The following OSBPL10 variants were observed in gnomAD, a reference collection of about 807,000 sequenced individuals.
The protein encoded by OSBPL10 is oxysterol binding protein like 10.
OSBPL10 carries 49 observed loss-of-function variants against 81.7 expected under a neutral mutation model. The ratio of observed to expected loss-of-function variants is 0.60; its 90% CI spans 0.48 to 0.76. The LOEUF is 0.76. Ranked by LOEUF, OSBPL10 falls within the 30% of genes least tolerant of loss-of-function variation. The probability of loss-of-function intolerance (pLI) is 0.00; values close to 1 mark genes in which losing one functional copy is unlikely to be tolerated. For missense variants in OSBPL10, 923 were observed against 987.8 expected, an observed-to-expected ratio of 0.93 and a Z score of 0.88; for synonymous variants, 419 against 383.6, an observed-to-expected ratio of 1.09 and a Z score of -1.08.
chr3:31,786,042 C>G (rs146975993), intron 4 of OSBPL10, among the ~76,000 whole-genome samples: 104 of 152,312 alleles, frequency 6.8e-4, no homozygotes, highest in African/African-American at 2.3e-3. Context: ...TGTGCCAAAG[C>G]CTGGGCAGAA....
intron 1 of OSBPL10, among the ~76,000 whole-genome samples, chr3:31,971,298 G>A (rs1042271461): frequency 7.2e-5 from 11 of 151,984 alleles, no homozygotes; most frequent in Non-Finnish European, 1.6e-4. Context: ...ATGCCACCAT[G>A]CCCGCTAATT....
At chr3:31,826,702 C>G (rs1302249572) in intron 4 of OSBPL10, among the ~76,000 whole-genome samples, 1 of 152,196 alleles carries the variant, frequency 6.6e-6, no homozygotes, top group Non-Finnish European at 1.5e-5. Context: ...TACAGTGGAA[C>G]CTTAAAGCAG....
intron 8 of OSBPL10, among the ~76,000 whole-genome samples, chr3:31,678,087 CAAAAAAAAAAA>C (rs1174037204): frequency 1.3e-5 from 1 of 76,660 alleles, no homozygotes; most frequent in Non-Finnish European, 2.4e-5. Context: ...GACTCCGTCT[CAAAAAAAAAAA>C]AAAAAAAAAA....
At chr3:31,763,142 A>C (rs1335143517) in intron 4 of OSBPL10, among the ~76,000 whole-genome samples, 1 of 152,252 alleles carries the variant, frequency 6.6e-6, no homozygotes, top group African/African-American at 2.4e-5. Context: ...AGAAAGGGTA[A>C]GGAATTGTTC....
chr3:31,662,374 C>T (rs572471943), intron 11 of OSBPL10: 339 of 1,221,374 alleles, frequency 2.8e-4, no homozygotes, highest in African/African-American at 1.5e-3. Flanking sequence ...TGGCTTCCAT[C>T]GAGACTGATT....
intron 2 of OSBPL10, chr3:32,030,355 C>A: frequency 3.7e-6 from 2 of 539,392 alleles, no homozygotes; most frequent in South Asian, 1.7e-5. Flanking sequence ...AGGAATGCCC[C>A]ACAAGAGGCA....
chr3:31,723,672 T>A (rs1696726642), intron 6 of OSBPL10, among the ~76,000 whole-genome samples: 1 of 152,060 alleles, frequency 6.6e-6, no homozygotes. Flanking sequence ...CATAGAGCCA[T>A]AAGCCATCTA....
At chr3:31,764,951 T>A (rs1698151963) in intron 4 of OSBPL10, among the ~76,000 whole-genome samples, 1 of 152,074 alleles carries the variant, frequency 6.6e-6, no homozygotes, top group South Asian at 2.1e-4. Context: ...CCTTCCATCA[T>A]CCTCCCAAAA....
intron 1 of OSBPL10, among the ~76,000 whole-genome samples, chr3:32,054,362 G>C (rs1031047166): frequency 6.6e-6 from 1 of 152,104 alleles, no homozygotes; most frequent in African/African-American, 2.4e-5. Flanking sequence ...AATGGTATTT[G>C]ACTTTCTTTG....
At chr3:31,980,828 T>TACACACACGCACGCACACACACACAC in intron 1 of OSBPL10, 71 bp downstream of exon 1, 4 of 1,423,620 alleles carry the variant, frequency 2.8e-6, no homozygotes, top group Non-Finnish European at 3.7e-6. Context: ...CAGACACACA[T>TACACACACGCACGCACACACACACAC]ACACACACGC....
At chr3:31,794,574 T>A (rs940072492) in intron 4 of OSBPL10, 10 of 366,308 alleles carry the variant, frequency 2.7e-5, no homozygotes, top group African/African-American at 1.5e-4. Flanking sequence ...TTAGTGAGGT[T>A]CAGAGATGCC....
At chr3:31,725,670 C>T (rs1696785750) in intron 6 of OSBPL10, among the ~76,000 whole-genome samples, 1 of 152,172 alleles carries the variant, frequency 6.6e-6, no homozygotes, top group African/African-American at 2.4e-5. Flanking sequence ...GGACGCTGAC[C>T]ATGGATGAAT....
intron 1 of OSBPL10, among the ~76,000 whole-genome samples, chr3:31,891,626 G>A (rs1192343042): frequency 6.6e-6 from 1 of 152,186 alleles, no homozygotes; most frequent in African/African-American, 2.4e-5. Context: ...CATTGTATCA[G>A]CAGTTTACTA....
chr3:31,772,482 A>G (rs1698410428), intron 4 of OSBPL10, among the ~76,000 whole-genome samples: 1 of 152,172 alleles, frequency 6.6e-6, no homozygotes, highest in Non-Finnish European at 1.5e-5. Context: ...TTTATTTTCC[A>G]TTTTACCAAA....
At chr3:31,834,437 C>G (rs1481191494) in intron 3 of OSBPL10, among the ~76,000 whole-genome samples, 1 of 152,326 alleles carries the variant, frequency 6.6e-6, no homozygotes, top group Non-Finnish European at 1.5e-5. Flanking sequence ...TTCGTAAGCA[C>G]CTGGCTGATG....
At position 31,830,125 on chromosome 3, in the gene OSBPL10, A is replaced by C. The variant is rs1209312380; in HGVS notation, c.644T>G (p.Val215Gly). Reference protein sequence around the residue: ...QRHLSVGAPGVVTITHHKSPA... With the variant: ...QRHLSVGAPGGVTITHHKSPA... ...CGACTTGTGATGCGTGATTGTGACA[A>C]CACCGGGGGCCCCCACACTGAGGTG... Residue 215 changes from valine (V) to glycine (G), a missense_variant, in exon 4 of 12, where the codon GTT (valine) becomes GGT (glycine). Transcript: ENST00000396556. 2.5e-6 allele frequency: 4 copies of C among 1,614,096 alleles called. No individual in the cohort carries two copies. Among genetic ancestry groups the C allele is most frequent in the Non-Finnish European group, 3.4e-6 (4 of 1,179,998 alleles).
Position 32,044,104 on chromosome 3 carries a change from G to A in OSBPL10, n.298+2387C>T, listed in dbSNP as rs79375176. Among the ~76,000 whole-genome samples, 12 of 151,980 alleles carry A rather than the reference G, an allele frequency of 7.9e-5. No individual in the cohort carries two copies. The East Asian group carries it at 2.1e-3, about 27-fold the overall frequency. On this transcript the variant is annotated intron_variant and non_coding_transcript_variant, in intron 2 of 3. Transcript: ENST00000479173. ...ATCCCTTAAATCTAAAATAAAAGTT[G>A]AAATTACTTTTTAACAAAAGAAAAT...
intron 8 of OSBPL10, among the ~76,000 whole-genome samples, chr3:31,677,151 A>G (rs1700500346): frequency 6.6e-6 from 1 of 152,172 alleles, no homozygotes; most frequent in South Asian, 2.1e-4. Flanking sequence ...AATTCATAGA[A>G]TATGCAGGAA....
chr3:31,669,100 A>G (rs1400150801), intron 9 of OSBPL10, among the ~76,000 whole-genome samples: 2 of 152,222 alleles, frequency 1.3e-5, no homozygotes, highest in African/African-American at 2.4e-5. Flanking sequence ...TGATAAACAG[A>G]TATCACTGGG....
Sources: allele counts gnomAD v4.1 joint callset (sites outside exome capture counted in the v4.1 genomes callset), GRCh38; gene constraint gnomAD v4.1.1; transcripts MANE v1.5; gene names NCBI Gene and HGNC (gene_info 2026-07-23, HGNC 2026-07-21).